The following ZFPM2 variants were observed in gnomAD, a reference collection of about 807,000 sequenced individuals.
ZFPM2 encodes zinc finger protein, FOG family member 2, also known as zinc finger protein ZFPM2.
Under a neutral mutation model 98.6 loss-of-function variants are expected in ZFPM2, and 20 were observed. The observed-to-expected ratio is 0.20, with a 90% CI of 0.14 to 0.29. The LOEUF is 0.29. Ranked by LOEUF, ZFPM2 falls within the 10% of genes least tolerant of loss-of-function variation. The pLI is 1.00. For missense variants in ZFPM2, 1,310 were observed against 1,388.6 expected (o/e 0.94, Z 0.90); for synonymous variants, 518 against 502.7 (o/e 1.03, Z -0.41).
chr8:105,583,139 G>A (rs1178511041), intron 4 of ZFPM2, among the ~76,000 whole-genome samples: 6 of 152,052 alleles, frequency 3.9e-5, no homozygotes, highest in Non-Finnish European at 7.4e-5. Flanking sequence ...ATTCCTTACT[G>A]GGTAATATAA....
chr8:105,653,854 C>CTTATTTTTTTTT (rs1817230500), intron 5 of ZFPM2, among the ~76,000 whole-genome samples: 1 of 35,260 alleles, frequency 2.8e-5, no homozygotes. Context: ...TGTGTGCTAT[C>CTTATTTTTTTTT]TTTTTTTTTT....
rs1216861389 is a variant in ZFPM2, at chr8:105,319,822, G to T, written c.40+841G>T. The T allele has an allele frequency of 2.0e-5, 3 of 152,296 alleles. No homozygotes were observed. In the East Asian group the frequency reaches 5.9e-4, roughly 30 times the overall value. 9.4% of individuals were successfully genotyped at this position (152,296 alleles called of 1,614,324 possible). A position where few individuals can be genotyped will look rare whatever the true frequency, so the allele number is the denominator to read the frequency against. ...GAGCCCCCGGGTGCCCGGGGGTCCC[G>T]ATGGTGCTTAGAGGACACGGCGGGT... On this transcript the variant is annotated intron_variant, in intron 1 of 7. Transcript: ENST00000407775.
intron 1 of ZFPM2, among the ~76,000 whole-genome samples, chr8:105,360,935 G>A (rs1406906612): frequency 1.4e-5 from 2 of 145,980 alleles, no homozygotes; most frequent in African/African-American, 5.1e-5. Flanking sequence ...AGTAAACATA[G>A]GTGTGCATGT....
intron 3 of ZFPM2, among the ~76,000 whole-genome samples, chr8:105,538,853 C>A (rs182942566): frequency 6.6e-6 from 1 of 151,880 alleles, no homozygotes; most frequent in East Asian, 1.9e-4. Context: ...CTCTACAAAA[C>A]ATTAAAAATA....
intron 5 of ZFPM2, chr8:105,787,317 T>C (rs1461690954): frequency 6.6e-6 from 1 of 152,334 alleles, no homozygotes; most frequent in Non-Finnish European, 1.5e-5. Flanking sequence ...TGAAAAGTAG[T>C]TGTTTTACTT....
intron 5 of ZFPM2, among the ~76,000 whole-genome samples, chr8:105,732,863 C>T (rs1586227024): frequency 1.3e-5 from 2 of 151,684 alleles, no homozygotes; most frequent in South Asian, 4.1e-4. Context: ...TCAGCTTGCA[C>T]GTTCATTATC....
intron 4 of ZFPM2, among the ~76,000 whole-genome samples, chr8:105,595,490 G>A (rs755260358): frequency 3.0e-4 from 46 of 152,096 alleles, no homozygotes; most frequent in Non-Finnish European, 6.3e-4. Context: ...CTTCCAGAAG[G>A]TGATTTTAAG....
intron 5 of ZFPM2, among the ~76,000 whole-genome samples, chr8:105,783,326 G>T (rs1813314359): frequency 6.9e-6 from 1 of 144,204 alleles, no homozygotes; most frequent in African/African-American, 2.6e-5. Flanking sequence ...CAATGTTCTA[G>T]GTTCACAGAG....
chr8:105,733,430 T>A (rs1811992317), intron 5 of ZFPM2, among the ~76,000 whole-genome samples: 1 of 151,904 alleles, frequency 6.6e-6, no homozygotes, highest in Admixed American at 6.6e-5. Flanking sequence ...TTTACAAGCC[T>A]TATTTACCAA....
intron 4 of ZFPM2, among the ~76,000 whole-genome samples, chr8:105,584,569 C>T (rs1278130360): frequency 6.6e-6 from 1 of 152,196 alleles, no homozygotes; most frequent in African/African-American, 2.4e-5. Context: ...TAGTACTTCA[C>T]AGTCCAACAA....
chr8:105,528,446 G>A (rs1814222290), intron 3 of ZFPM2, among the ~76,000 whole-genome samples: 1 of 152,062 alleles, frequency 6.6e-6, no homozygotes, highest in South Asian at 2.1e-4. Flanking sequence ...AAGGGAGAAA[G>A]CATTTCAGCA....
intron 5 of ZFPM2, among the ~76,000 whole-genome samples, chr8:105,679,561 A>G (rs965108569): frequency 6.6e-6 from 1 of 152,256 alleles, no homozygotes; most frequent in African/African-American, 2.4e-5. Flanking sequence ...TGGTTTATTG[A>G]AAGTCCATAC....
At chr8:105,744,734 G>A (rs565468579) in intron 5 of ZFPM2, among the ~76,000 whole-genome samples, 131 of 380 alleles carry the variant, frequency 0.34, no homozygotes, top group South Asian at 0.5. Flanking sequence ...TTTTCTAGCC[G>A]GAAAAACAGC....
intron 5 of ZFPM2, among the ~76,000 whole-genome samples, chr8:105,756,242 C>T (rs1300581029): frequency 6.6e-6 from 1 of 152,092 alleles, no homozygotes; most frequent in Non-Finnish European, 1.5e-5. Flanking sequence ...ACCCTGTAGC[C>T]CTTTTGAAAA....
At chr8:105,609,511 T>G (rs1448244588) in intron 4 of ZFPM2, among the ~76,000 whole-genome samples, 3 of 152,320 alleles carry the variant, frequency 2.0e-5, no homozygotes, top group Middle Eastern at 3.4e-3. Flanking sequence ...AATTGTATTA[T>G]ACAAGTTAGT....
At chr8:105,435,909 A>G (rs1297807145) in intron 2 of ZFPM2, among the ~76,000 whole-genome samples, 5 of 152,216 alleles carry the variant, frequency 3.3e-5, no homozygotes, top group Non-Finnish European at 7.3e-5. Context: ...AATTATGTCA[A>G]AACATTACCA....
chr8:105,734,596 G>A (rs747726411), intron 5 of ZFPM2, among the ~76,000 whole-genome samples: 11 of 151,960 alleles, frequency 7.2e-5, no homozygotes, highest in Non-Finnish European at 1.5e-4. Context: ...TGGCTTAAAA[G>A]TAAATGGATA....
In ZFPM2 at chr8:105,593,817, T is replaced by G. The variant is rs1486945547; in HGVS notation, c.420+32336T>G. On this transcript the variant is annotated intron_variant, in intron 4 of 7. Transcript: ENST00000407775. ...CAGTTGCAAAAAAAATTGTGATTTT[T>G]CAAGTAAAAAAAAATCCCTGAAAGA... is the stretch of plus-strand genomic sequence containing the variant. 2.7e-5 allele frequency among the ~76,000 whole-genome samples: 4 copies of G among 149,772 alleles called. No homozygotes were observed. In the East Asian group the frequency reaches 7.7e-4, roughly 29 times the overall value.
chr8:105,704,195 T>C (rs539479723), intron 5 of ZFPM2, among the ~76,000 whole-genome samples: 1 of 152,290 alleles, frequency 6.6e-6, no homozygotes, highest in East Asian at 1.9e-4. Flanking sequence ...GCTAAATTGG[T>C]TTTACGTGGA....
Sources: gnomAD v4.1 joint callset for allele counts (sites outside exome capture counted in the v4.1 genomes callset) on GRCh38, gnomAD v4.1.1 for gene constraint, MANE v1.5 for transcripts, NCBI Gene and HGNC (gene_info 2026-07-23, HGNC 2026-07-21) for gene names.